Variants in TRPM3 observed in about 807,000 individuals in gnomAD.
TRPM3 encodes the protein transient receptor potential cation channel subfamily M member 3.
Under a neutral mutation model 181.2 loss-of-function variants are expected in TRPM3, and 77 were observed. That is an observed-to-expected ratio of 0.42 (90% CI 0.35 to 0.51). TRPM3 has a LOEUF of 0.51. Among genes scored for constraint, TRPM3 ranks in the 20% least tolerant of loss-of-function variants. The pLI, the probability that TRPM3 is intolerant of heterozygous loss-of-function variation, is 0.01. For synonymous variants in TRPM3, 745 were observed against 796.4 expected, an observed-to-expected ratio of 0.94 and a Z score of 1.09; for missense variants, 1,759 against 2,196.7, an observed-to-expected ratio of 0.80 and a Z score of 3.98.
chr9:70,599,767 A>G (rs2059567642), intron 20 of TRPM3, among the ~76,000 whole-genome samples: 1 of 152,068 alleles, frequency 6.6e-6, no homozygotes, highest in African/African-American at 2.4e-5. Flanking sequence ...TCTCCAATAC[A>G]TTACCCTATT....
chr9:71,027,021 T>C (rs1019847886), intron 1 of TRPM3, among the ~76,000 whole-genome samples: 1 of 152,158 alleles, frequency 6.6e-6, no homozygotes, highest in Non-Finnish European at 1.5e-5. Context: ...GGATGAATCC[T>C]GCTGCCACCA....
intron 9 of TRPM3, among the ~76,000 whole-genome samples, chr9:70,679,307 T>A (rs913720309): frequency 2.0e-5 from 3 of 152,244 alleles, no homozygotes; most frequent in Non-Finnish European, 4.4e-5. Flanking sequence ...AAAATGTATT[T>A]CATATGGTAT....
At chr9:71,218,878 G>GAT (rs1219665843) in intron 1 of TRPM3, among the ~76,000 whole-genome samples, 2 of 152,158 alleles carry the variant, frequency 1.3e-5, no homozygotes, top group Non-Finnish European at 2.9e-5. Context: ...ATACAAAATA[G>GAT]ATAAGGCCAA....
At chr9:70,553,553 G>T (rs937329146) in intron 22 of TRPM3, among the ~76,000 whole-genome samples, 5 of 152,156 alleles carry the variant, frequency 3.3e-5, no homozygotes, top group African/African-American at 1.2e-4. Context: ...GACCAGAAGA[G>T]GGGGGTGGAG....
intron 1 of TRPM3, among the ~76,000 whole-genome samples, chr9:71,083,713 T>TACACAC (rs34900575): frequency 0.093 from 13,517 of 145,268 alleles, 708 homozygotes; most frequent in Admixed American, 0.16. Flanking sequence ...TATTATTATG[T>TACACAC]ACACACACAC....
chr9:71,068,190 TTC>T, intron 1 of TRPM3, among the ~76,000 whole-genome samples: 1 of 152,358 alleles, frequency 6.6e-6, no homozygotes, highest in Non-Finnish European at 1.5e-5. Flanking sequence ...CATGGAAGAT[TTC>T]TCTGTTTTCC....
At position 70,668,672 on chromosome 9, in the gene TRPM3, G is replaced by GAAAAAAAAAAAAAAAAAAAAAA. The variant is rs57929544; in HGVS notation, c.1345+12812_1345+12833dup. On this transcript the variant is annotated intron_variant, in intron 9 of 25. Coordinates refer to ENST00000677713, the MANE Select transcript of TRPM3 (RefSeq NM_001366145.2). ...AGAGCGAGACTCCGTCTCAAAAAAA[G>GAAAAAAAAAAAAAAAAAAAAAA]AAAAAAAAAAAAAAAAAAAAAAAAA... Among the ~76,000 whole-genome samples, 5 of 86,512 alleles carry GAAAAAAAAAAAAAAAAAAAAAA rather than the reference G, an allele frequency of 5.8e-5. 2 individuals carry two copies. The highest frequency in any genetic ancestry group is 8.7e-5 in the African/African-American group (2 of 22,882). 56.8% of individuals were successfully genotyped at this position (86,512 alleles called of 152,430 possible).
chr9:70,562,908 T>C (rs889854472), intron 22 of TRPM3, among the ~76,000 whole-genome samples: 1 of 152,178 alleles, frequency 6.6e-6, no homozygotes, highest in African/African-American at 2.4e-5. Context: ...ATCGATTGCA[T>C]TAACAGCCCC....
At chr9:71,415,788 TTCTCTAGATTTA>T (rs1031684003) in intron 1 of TRPM3, among the ~76,000 whole-genome samples, 45 of 152,076 alleles carry the variant, frequency 3.0e-4, no homozygotes, top group African/African-American at 1.1e-3. Context: ...TTCTAAAAGT[TTCTCTAGATTTA>T]TCTCTAGATT....
At chr9:71,403,123 T>A (rs1168945945) in intron 1 of TRPM3, among the ~76,000 whole-genome samples, 1 of 152,160 alleles carries the variant, frequency 6.6e-6, no homozygotes, top group Non-Finnish European at 1.5e-5. Context: ...AAGAACTTTC[T>A]AGGAAAGAGG....
intron 1 of TRPM3, among the ~76,000 whole-genome samples, chr9:71,225,970 T>C (rs1044741229): frequency 1.6e-5 from 1 of 63,736 alleles, no homozygotes; most frequent in African/African-American, 6.3e-5. Flanking sequence ...TTTCAAGACA[T>C]AGACAGTACA....
intron 1 of TRPM3, among the ~76,000 whole-genome samples, chr9:71,291,507 C>A (rs1342583122): frequency 6.6e-6 from 1 of 151,894 alleles, no homozygotes; most frequent in African/African-American, 2.4e-5. Flanking sequence ...TATTCTTTGA[C>A]AATAGAAAAG....
intron 1 of TRPM3, among the ~76,000 whole-genome samples, chr9:71,139,736 T>C (rs2074984892): frequency 6.6e-6 from 1 of 152,162 alleles, no homozygotes; most frequent in African/African-American, 2.4e-5. Context: ...TAAGAAATAA[T>C]AATAATCCTT....
chr9:70,767,718 C>A (rs1321864970), intron 7 of TRPM3, among the ~76,000 whole-genome samples: 1 of 152,152 alleles, frequency 6.6e-6, no homozygotes, highest in Non-Finnish European at 1.5e-5. Context: ...TTCTTACTTC[C>A]AAGTCTGGTA....
rs898650563 is a variant in TRPM3, at chr9:70,530,598, C to T, written c.*5355G>A. 1 of 152,222 alleles carries T rather than the reference C, an allele frequency of 6.6e-6. No homozygotes were observed. The highest frequency in any genetic ancestry group is 1.9e-4 in the East Asian group (1 of 5,196). 9.4% of individuals were successfully genotyped at this position (152,222 alleles called of 1,614,324 possible). A position where few individuals can be genotyped will look rare whatever the true frequency, so the allele number is the denominator to read the frequency against. On this transcript the variant is annotated 3_prime_UTR_variant, in exon 26 of 26. Coordinates refer to ENST00000677713, the MANE Select transcript of TRPM3 (RefSeq NM_001366145.2). ...TCTGGATTACCTGGTCACCAAAATC[C>T]TCTCTTAGATGACCTGTAGAAACAG...
At chr9:70,951,948 C>A (rs1223048226) in intron 1 of TRPM3, among the ~76,000 whole-genome samples, 1 of 152,048 alleles carries the variant, frequency 6.6e-6, no homozygotes, top group Non-Finnish European at 1.5e-5. Context: ...CTGAGGCAGA[C>A]AATAATGCAG....
At chr9:71,430,228 T>C (rs887157194) in intron 1 of TRPM3, among the ~76,000 whole-genome samples, 2 of 152,152 alleles carry the variant, frequency 1.3e-5, no homozygotes, top group Non-Finnish European at 2.9e-5. Context: ...TTGAATGAGA[T>C]AACACATATG....
At chr9:71,029,582 T>A (rs1239647007) in intron 1 of TRPM3, among the ~76,000 whole-genome samples, 2 of 152,094 alleles carry the variant, frequency 1.3e-5, no homozygotes, top group Non-Finnish European at 2.9e-5. Context: ...GGAAAGGAAA[T>A]ACCATGATAA....
chr9:70,786,193 A>G lies in TRPM3; in HGVS notation c.974-1914T>C, dbSNP rs141573021. Among the ~76,000 whole-genome samples, 684 of 151,782 alleles carry G rather than the reference A, an allele frequency of 4.5e-3. 8 individuals are homozygous for G. The highest frequency in any genetic ancestry group is 0.016 in the African/African-American group (668 of 41,372). On this transcript the variant is annotated intron_variant, in intron 6 of 25. Coordinates refer to ENST00000677713, the MANE Select transcript of TRPM3 (RefSeq NM_001366145.2). The stretch of plus-strand genomic sequence containing the variant: ...TAAAGATTAAGGGCTGGCCAGGCAC[A>G]GTGGCTCATGCCTGTAATCCCAGCA...
Sources: allele counts gnomAD v4.1 joint callset (sites outside exome capture counted in the v4.1 genomes callset), GRCh38; gene constraint gnomAD v4.1.1; transcripts MANE v1.5; gene names NCBI Gene and HGNC (gene_info 2026-07-23, HGNC 2026-07-21).